The following RSF1 variants were observed in gnomAD, a reference collection of about 807,000 sequenced individuals.
RSF1 encodes the protein remodeling and spacing factor 1.
A neutral mutation model predicts 145.2 loss-of-function variants in RSF1; 13 were observed. The observed-to-expected ratio is 0.09, with a 90% CI of 0.06 to 0.14. The LOEUF is 0.14. RSF1 is among the 10% of genes least tolerant of loss of function. The pLI, the probability that RSF1 is intolerant of heterozygous loss-of-function variation, is 1.00. For synonymous variants in RSF1, 577 were observed against 592.6 expected, an observed-to-expected ratio of 0.97 and a Z score of 0.38; for missense variants, 1,517 against 1,718.2, an observed-to-expected ratio of 0.88 and a Z score of 2.07.
chr11:77,706,093 T>C (rs1273762915), intron 5 of RSF1, among the ~76,000 whole-genome samples: 2 of 151,544 alleles, frequency 1.3e-5, no homozygotes, highest in Non-Finnish European at 2.9e-5. Context: ...GATACAAAAT[T>C]AGCAGGGTGG....
the RSF1 span, among the ~76,000 whole-genome samples, chr11:77,859,237 G>A: frequency 6.6e-6 from 1 of 152,150 alleles, no homozygotes; most frequent in Non-Finnish European, 1.5e-5. Context: ...CATATTAGGG[G>A]TCCTTCTATA....
intron 1 of RSF1, among the ~76,000 whole-genome samples, chr11:77,775,427 G>A (rs1239535420): frequency 2.0e-5 from 3 of 152,164 alleles, no homozygotes; most frequent in African/African-American, 4.8e-5. Flanking sequence ...ATCACTAACC[G>A]AAGAGGGCTC....
intron 4 of RSF1, among the ~76,000 whole-genome samples, chr11:77,730,384 G>A (rs570489884): frequency 3.9e-5 from 6 of 152,118 alleles, no homozygotes; most frequent in East Asian, 1.9e-4. Flanking sequence ...TATTTTTAAC[G>A]AGGTATAATT....
chr11:77,665,783 CACAA>C lies in RSF1; in HGVS notation c.*1130_*1133del, dbSNP rs909494991. Reference sequence around the variant, plus strand: ...ACACACACACACGCACACGCACACACACAAACACACACACACGCTAAAACTCAAA... The same window carrying C: ...ACACACACACACGCACACGCACACACACACACACACACGCTAAAACTCAAA... On this transcript the variant is annotated 3_prime_UTR_variant, in exon 16 of 16. Transcript: ENST00000308488. 2 of 146,980 alleles carry C rather than the reference CACAA, an allele frequency of 1.4e-5. No individual in the cohort carries two copies. The highest frequency in any genetic ancestry group is 5.1e-5 in the African/African-American group (2 of 38,856). The allele number at this position is 146,980 out of a possible 1,614,324, so 9.1% of individuals were successfully genotyped here. A position where few individuals can be genotyped will look rare whatever the true frequency, so the allele number is the denominator to read the frequency against.
At position 77,687,871 on chromosome 11, in the gene RSF1, A is replaced by G. The variant is rs115472635; in HGVS notation, c.2901-2712T>C. 1.9e-3 allele frequency among the ~76,000 whole-genome samples: 288 copies of G among 152,334 alleles called. 2 individuals are homozygous for G. Among genetic ancestry groups the G allele is most frequent in the Middle Eastern group, 6.8e-3 (2 of 294 alleles). Reference sequence around the variant, plus strand: ...TAATTGCAGTGGCATATCCTATAGCATATGAGGCTGTTGTCAAAATTTTTT... The same window carrying G: ...TAATTGCAGTGGCATATCCTATAGCGTATGAGGCTGTTGTCAAAATTTTTT... On this transcript the variant is annotated intron_variant, in intron 9 of 15. Coordinates refer to ENST00000308488, the MANE Select transcript of RSF1 (RefSeq NM_016578.4).
chr11:77,809,947 AAAGAGTAAGTATCAAACTCC>A (rs1948714183), intron 1 of RSF1, among the ~76,000 whole-genome samples: 1 of 152,210 alleles, frequency 6.6e-6, no homozygotes, highest in Admixed American at 6.5e-5. Context: ...GACAAAAGGA[AAAGAGTAAGTATCAAACTCC>A]CTGAGATATC....
At chr11:77,848,503 AC>A in the RSF1 span, among the ~76,000 whole-genome samples, 17 of 152,088 alleles carry the variant, frequency 1.1e-4, no homozygotes, top group East Asian at 3.3e-3. Flanking sequence ...GATTACAGGC[AC>A]CCACCACCTC....
intron 5 of RSF1, among the ~76,000 whole-genome samples, chr11:77,721,635 A>G (rs1411934342): frequency 1.3e-5 from 2 of 152,258 alleles, no homozygotes; most frequent in Non-Finnish European, 2.9e-5. Flanking sequence ...TGTTGTGAAA[A>G]TGATCTGACA....
intron 1 of RSF1, among the ~76,000 whole-genome samples, chr11:77,787,856 G>A (rs2508181): frequency 0.14 from 16,936 of 124,498 alleles, 1,295 homozygotes; most frequent in Non-Finnish European, 0.18. Context: ...AAGTTCGAGT[G>A]CTGTGACTCA....
the RSF1 span, among the ~76,000 whole-genome samples, chr11:77,826,451 T>C: frequency 2.0e-5 from 3 of 152,198 alleles, no homozygotes; most frequent in African/African-American, 7.2e-5. Flanking sequence ...TATTAAATAA[T>C]TCAGAACAGG....
intron 4 of RSF1, among the ~76,000 whole-genome samples, chr11:77,732,874 A>G (rs557090960): frequency 6.6e-6 from 1 of 152,336 alleles, no homozygotes; most frequent in Non-Finnish European, 1.5e-5. Flanking sequence ...TTTTAATTTT[A>G]TTAATTCTAG....
At chr11:77,846,905 A>T in the RSF1 span, among the ~76,000 whole-genome samples, 1 of 152,178 alleles carries the variant, frequency 6.6e-6, no homozygotes, top group African/African-American at 2.4e-5. Flanking sequence ...TGTCCCATAA[A>T]GGAAGATTCA....
chr11:77,860,376 A>T, the RSF1 span, among the ~76,000 whole-genome samples: 1 of 152,198 alleles, frequency 6.6e-6, no homozygotes, highest in African/African-American at 2.4e-5. Context: ...GTTTGGGATG[A>T]GGATAAGCCA....
chr11:77,676,418 C>T (rs1216951123), intron 13 of RSF1, among the ~76,000 whole-genome samples: 2 of 152,080 alleles, frequency 1.3e-5, no homozygotes, highest in African/African-American at 4.8e-5. Flanking sequence ...GTCCCAAGTC[C>T]AACTTCTATG....
At chr11:77,819,024 T>C (rs1233069352) in intron 1 of RSF1, among the ~76,000 whole-genome samples, 1 of 152,230 alleles carries the variant, frequency 6.6e-6, no homozygotes, top group African/African-American at 2.4e-5. Flanking sequence ...CTGTATTAAT[T>C]TGAGTCTTCG....
In RSF1 at chr11:77,665,357, A is replaced by T. The variant is rs752844259; in HGVS notation, c.*1560T>A. On this transcript the variant is annotated 3_prime_UTR_variant, in exon 16 of 16. Coordinates refer to ENST00000308488, the MANE Select transcript of RSF1 (RefSeq NM_016578.4). ...CACAACACCGGAACAGAAAAACCCA[A>T]ATCCCAGGGCTAAAGTATTCACAGA... 1 of 152,188 alleles carries T rather than the reference A, an allele frequency of 6.6e-6. No individual in the cohort carries two copies. Among genetic ancestry groups the T allele is most frequent in the Admixed American group, 6.5e-5 (1 of 15,276 alleles). The allele number at this position is 152,188 out of a possible 1,614,324, so 9.4% of individuals were successfully genotyped here. A position where few individuals can be genotyped will look rare whatever the true frequency, so the allele number is the denominator to read the frequency against.
chr11:77,714,627 A>C (rs911317180), intron 5 of RSF1, among the ~76,000 whole-genome samples: 1 of 152,174 alleles, frequency 6.6e-6, no homozygotes, highest in Non-Finnish European at 1.5e-5. Flanking sequence ...AGATCACTTG[A>C]GCGCAGGAGT....
intron 4 of RSF1, among the ~76,000 whole-genome samples, chr11:77,736,984 C>T (rs1385121097): frequency 1.3e-5 from 2 of 152,162 alleles, no homozygotes; most frequent in Non-Finnish European, 2.9e-5. Flanking sequence ...TACACAAAAT[C>T]AGAGAGTCAA....
rs1405884488 is a variant in RSF1, at chr11:77,662,731, T to A, written c.*4186A>T. Reference sequence around the variant, plus strand: ...CACACACTTTGGGAAAGGTAGATGATATAGGAATGGATTTTAATCTGAGAA... The same window carrying A: ...CACACACTTTGGGAAAGGTAGATGAAATAGGAATGGATTTTAATCTGAGAA... On this transcript the variant is annotated 3_prime_UTR_variant, in exon 16 of 16. Transcript: ENST00000308488. 6.6e-6 allele frequency: 1 copy of A among 152,146 alleles called. No individual in the cohort carries two copies. Among genetic ancestry groups the A allele is most frequent in the African/African-American group, 2.4e-5 (1 of 41,450 alleles). 9.4% of individuals were successfully genotyped at this position (152,146 alleles called of 1,614,324 possible). A position where few individuals can be genotyped will look rare whatever the true frequency, so the allele number is the denominator to read the frequency against.
Sources: gnomAD v4.1 joint callset for allele counts (sites outside exome capture counted in the v4.1 genomes callset) on GRCh38, gnomAD v4.1.1 for gene constraint, MANE v1.5 for transcripts, NCBI Gene and HGNC (gene_info 2026-07-23, HGNC 2026-07-21) for gene names.